LDLRAD4: variants seen among roughly 807,000 people sequenced by gnomAD.
The protein encoded by LDLRAD4 is low density lipoprotein receptor class A domain containing 4, also known as low-density lipoprotein receptor class A domain-containing protein 4.
LDLRAD4 carries 5 observed loss-of-function variants against 17.0 expected under a neutral mutation model. That is an observed-to-expected ratio of 0.29 (90% CI 0.15 to 0.62). The LOEUF (loss-of-function observed/expected upper bound fraction) is 0.62, where lower values mean the gene tolerates loss of function less well. Ranked by LOEUF, LDLRAD4 falls within the 20% of genes least tolerant of loss-of-function variation. LDLRAD4 has a pLI of 0.84. For synonymous variants in LDLRAD4, 168 were observed against 171.8 expected (o/e 0.98, Z 0.17); for missense variants, 340 against 424.7 (o/e 0.80, Z 1.75).
intron 4 of LDLRAD4, among the ~76,000 whole-genome samples, chr18:13,626,216 C>G (rs750252366): frequency 6.6e-6 from 1 of 152,086 alleles, no homozygotes; most frequent in South Asian, 2.1e-4. Context: ...TTCTTTGGAG[C>G]CTGGTTTGTG....
chr18:13,425,512 C>T (rs2089857208), intron 2 of LDLRAD4, among the ~76,000 whole-genome samples: 2 of 152,144 alleles, frequency 1.3e-5, no homozygotes, highest in Admixed American at 1.3e-4. Flanking sequence ...TACTGGGGCA[C>T]TTCCTCCCTC....
intron 3 of LDLRAD4, among the ~76,000 whole-genome samples, chr18:13,560,734 T>C (rs1486050929): frequency 6.6e-6 from 1 of 152,250 alleles, no homozygotes; most frequent in Non-Finnish European, 1.5e-5. Context: ...GTCAGCTTTT[T>C]AAGTTGAGAA....
chr18:13,256,604 G>A (rs2043517349), intron 1 of LDLRAD4, among the ~76,000 whole-genome samples: 1 of 152,256 alleles, frequency 6.6e-6, no homozygotes, highest in Non-Finnish European at 1.5e-5. Context: ...CAGCAGGTGT[G>A]TAGGACTGGT....
At chr18:13,356,385 T>A (rs1439043747) in intron 1 of LDLRAD4, among the ~76,000 whole-genome samples, 1 of 152,256 alleles carries the variant, frequency 6.6e-6, no homozygotes, top group Non-Finnish European at 1.5e-5. Context: ...TGCTTAAAGC[T>A]AGTGTAGCTT....
intron 3 of LDLRAD4, among the ~76,000 whole-genome samples, chr18:13,527,592 T>C (rs981416107): frequency 3.3e-5 from 5 of 152,208 alleles, no homozygotes; most frequent in Non-Finnish European, 5.9e-5. Context: ...CTTCTCACCT[T>C]GTTCTGCTCA....
intron 1 of LDLRAD4, among the ~76,000 whole-genome samples, chr18:13,343,360 G>A (rs1172850739): frequency 6.6e-6 from 1 of 150,994 alleles, no homozygotes; most frequent in Non-Finnish European, 1.5e-5. Context: ...GCAATAGTTT[G>A]CTGAGAATGA....
chr18:13,297,083 C>G (rs1183907197), intron 1 of LDLRAD4, among the ~76,000 whole-genome samples: 1 of 152,202 alleles, frequency 6.6e-6, no homozygotes, highest in African/African-American at 2.4e-5. Flanking sequence ...TCATGGTGCA[C>G]AGTTCACGAC....
At chr18:13,538,370 T>C (rs1213744223) in intron 3 of LDLRAD4, among the ~76,000 whole-genome samples, 1 of 152,222 alleles carries the variant, frequency 6.6e-6, no homozygotes, top group Non-Finnish European at 1.5e-5. Flanking sequence ...GTTTTATTTT[T>C]ACTGTGATTC....
At position 13,396,932 on chromosome 18, in the gene LDLRAD4, T is replaced by C. The variant is rs573265548; in HGVS notation, c.40+9170T>C. On this transcript the variant is annotated intron_variant, in intron 2 of 5. Coordinates refer to ENST00000359446, the Ensembl canonical transcript of LDLRAD4. Reference sequence around the variant, plus strand: ...CAGAAGAAAATACATTAATAAATGTTTCTAGATGCCATATTGTATTTTAAA... The same window carrying C: ...CAGAAGAAAATACATTAATAAATGTCTCTAGATGCCATATTGTATTTTAAA... 9.2e-5 allele frequency among the ~76,000 whole-genome samples: 14 copies of C among 152,366 alleles called. No individual in the cohort carries two copies. The South Asian group carries it at 2.7e-3, about 29-fold the overall frequency.
chr18:13,644,755 AGTGCAGGCCGC>A, intron 5 of LDLRAD4: 1 of 202,606 alleles, frequency 4.9e-6, no homozygotes, highest in Admixed American at 5.5e-5. Flanking sequence ...ACCAGATCCA[AGTGCAGGCCGC>A]AGTGCTCTTC....
chr18:13,217,953 C>T (rs1382113148), upstream of LDLRAD4: 6 of 149,060 alleles, frequency 4.0e-5, no homozygotes, highest in East Asian at 9.9e-4. The surrounding 1 kb of genome is among the most constrained non-coding windows in gnomAD (Gnocchi z 4.9). Context: ...TTAAAGAACC[C>T]CGGCGCGCCG....
intron 3 of LDLRAD4, among the ~76,000 whole-genome samples, chr18:13,535,125 T>C (rs2094185057): frequency 6.6e-6 from 1 of 152,206 alleles, no homozygotes; most frequent in African/African-American, 2.4e-5. Flanking sequence ...TTAGAAATAA[T>C]ATTTCTGTGA....
Position 13,320,891 on chromosome 18 carries a change from T to C in LDLRAD4, c.-383+42703T>C, listed in dbSNP as rs116599227. Among the ~76,000 whole-genome samples, 959 of 152,284 alleles carry C rather than the reference T, an allele frequency of 6.3e-3. 9 individuals carry two copies. Among genetic ancestry groups the C allele is most frequent in the African/African-American group, 0.021 (879 of 41,546 alleles). On this transcript the variant is annotated intron_variant, in intron 1 of 5. Coordinates refer to ENST00000359446, the Ensembl canonical transcript of LDLRAD4. ...CAGGATTGTTGTCATTCCCTCCCAG[T>C]GGGACCCTCCAGAAGGTGGCTCCTC...
In LDLRAD4 at chr18:13,645,471, C is replaced by A. The variant is rs376619483; in HGVS notation, c.735C>A (p.Asn245Lys). The change falls in exon 6 of 6, where the codon AAC becomes AAA. Residue 245 changes from asparagine to lysine, a missense_variant. Transcript: ENST00000359446. The surrounding 1 kb of genome is among the most constrained non-coding windows in gnomAD (Gnocchi z 5.7). The stretch of plus-strand genomic sequence containing the variant: ...TCAGTGCAAGCACCTGCAGCAGTAA[C>A]GGGAGGATGGAGGGGCCACCCCCCA... The A allele has an allele frequency of 1.9e-6, 3 of 1,612,030 alleles. No individual in the cohort carries two copies. Among genetic ancestry groups the A allele is most frequent in the East Asian group, 4.5e-5 (2 of 44,862 alleles).
chr18:13,597,833 T>C (rs757056359), intron 3 of LDLRAD4, among the ~76,000 whole-genome samples: 29 of 152,240 alleles, frequency 1.9e-4, no homozygotes, highest in Non-Finnish European at 3.8e-4. Flanking sequence ...ATTTTGGTTA[T>C]TGTATTTTCA....
intron 3 of LDLRAD4, among the ~76,000 whole-genome samples, chr18:13,604,497 C>T (rs1002557946): frequency 6.6e-6 from 1 of 152,172 alleles, no homozygotes; most frequent in Non-Finnish European, 1.5e-5. Context: ...TTCAGTCTCT[C>T]AAGGGGCAGT....
At chr18:13,609,929 C>T (rs1259687713) in intron 3 of LDLRAD4, among the ~76,000 whole-genome samples, 2 of 152,080 alleles carry the variant, frequency 1.3e-5, no homozygotes, top group Non-Finnish European at 2.9e-5. Flanking sequence ...TTGCAGTAAT[C>T]AGAAATTTCG....
intron 3 of LDLRAD4, among the ~76,000 whole-genome samples, chr18:13,608,541 C>CATA (rs1231215363): frequency 6.6e-6 from 1 of 152,158 alleles, no homozygotes; most frequent in Non-Finnish European, 1.5e-5. Context: ...ACTAACTTAC[C>CATA]ATACTTGGAG....
At chr18:13,593,780 ATT>A (rs1389566589) in intron 3 of LDLRAD4, among the ~76,000 whole-genome samples, 1 of 151,582 alleles carries the variant, frequency 6.6e-6, no homozygotes, top group Non-Finnish European at 1.5e-5. Flanking sequence ...CTCCCTCTTT[ATT>A]TGTTTGTTGA....
Sources: gnomAD v4.1 joint callset for allele counts (sites outside exome capture counted in the v4.1 genomes callset) on GRCh38, gnomAD v4.1.1 for gene constraint, Gnocchi (gnomAD v3.1) non-coding constraint, MANE v1.5 for transcripts, NCBI Gene and HGNC (gene_info 2026-07-23, HGNC 2026-07-21) for gene names.